The following FHOD3 variants were observed in gnomAD, a reference collection of about 807,000 sequenced individuals.
The protein encoded by FHOD3 is FH1/FH2 domain-containing protein 3.
Under a neutral mutation model 173.0 loss-of-function variants are expected in FHOD3, and 90 were observed. The observed-to-expected ratio is 0.52, with a 90% CI of 0.44 to 0.62. FHOD3 has a LOEUF of 0.62. Among genes scored for constraint, FHOD3 ranks in the 20% least tolerant of loss-of-function variants. The probability of loss-of-function intolerance (pLI) is 0.00; values close to 1 mark genes in which losing one functional copy is unlikely to be tolerated. For synonymous variants in FHOD3, 828 were observed against 823.0 expected, an observed-to-expected ratio of 1.01 and a Z score of -0.10; for missense variants, 1,945 against 2,034.7, an observed-to-expected ratio of 0.96 and a Z score of 0.85.
intron 20 of FHOD3, among the ~76,000 whole-genome samples, chr18:36,740,283 A>G (rs968584839): frequency 2.1e-4 from 32 of 152,228 alleles, no homozygotes; most frequent in African/African-American, 6.8e-4. Flanking sequence ...ACAAAAGTCA[A>G]TCTGAGTTCT....
intron 5 of FHOD3, among the ~76,000 whole-genome samples, chr18:36,558,041 G>A (rs1165869788): frequency 1.3e-5 from 2 of 152,150 alleles, no homozygotes; most frequent in African/African-American, 2.4e-5. Context: ...TATGAATGCT[G>A]GGTACTTTTC....
At chr18:36,465,711 T>C (rs1243739237) in intron 3 of FHOD3, among the ~76,000 whole-genome samples, 3 of 152,144 alleles carry the variant, frequency 2.0e-5, no homozygotes, top group African/African-American at 7.2e-5. Context: ...GGACCAAGCC[T>C]ATTGATTGAT....
At chr18:36,426,891 A>G (rs1443936880) in intron 3 of FHOD3, among the ~76,000 whole-genome samples, 5 of 152,068 alleles carry the variant, frequency 3.3e-5, no homozygotes, top group Non-Finnish European at 7.4e-5. Context: ...GTTTTGTTTA[A>G]TCATCACCAC....
At chr18:36,763,860 A>G (rs1327866740) in intron 27 of FHOD3, among the ~76,000 whole-genome samples, 1 of 152,148 alleles carries the variant, frequency 6.6e-6, no homozygotes, top group Non-Finnish European at 1.5e-5. Context: ...AAGTATTTGC[A>G]TATGTTATTA....
At chr18:36,607,204 G>T (rs1422851047) in intron 8 of FHOD3, among the ~76,000 whole-genome samples, 1 of 152,170 alleles carries the variant, frequency 6.6e-6, no homozygotes, top group Non-Finnish European at 1.5e-5. Flanking sequence ...CCTTCTTTTA[G>T]ATCTAGGTTG....
chr18:36,363,766 G>C (rs1215110530), intron 2 of FHOD3, among the ~76,000 whole-genome samples: 4 of 151,908 alleles, frequency 2.6e-5, no homozygotes, highest in Admixed American at 6.6e-5. Flanking sequence ...TCATAGAACT[G>C]TTCAACACAG....
At chr18:36,599,708 T>C (rs1291238863) in intron 7 of FHOD3, among the ~76,000 whole-genome samples, 1 of 152,164 alleles carries the variant, frequency 6.6e-6, no homozygotes, top group Non-Finnish European at 1.5e-5. Context: ...CTGTGTGTAT[T>C]TATTTATCTG....
intron 5 of FHOD3, among the ~76,000 whole-genome samples, chr18:36,521,534 A>G (rs924440369): frequency 6.6e-6 from 1 of 152,086 alleles, no homozygotes; most frequent in South Asian, 2.1e-4. Flanking sequence ...ATCACCCACC[A>G]AATTAGGGCT....
chr18:36,510,464 C>G (rs915766454), intron 4 of FHOD3, among the ~76,000 whole-genome samples: 3 of 152,156 alleles, frequency 2.0e-5, no homozygotes, highest in Non-Finnish European at 4.4e-5. Context: ...AACACTGTCT[C>G]GCCTGTCCAG....
At chr18:36,564,201 T>A (rs775853967) in intron 5 of FHOD3, among the ~76,000 whole-genome samples, 4 of 152,210 alleles carry the variant, frequency 2.6e-5, no homozygotes, top group Non-Finnish European at 5.9e-5. Flanking sequence ...GTGACCTGTT[T>A]TGGAGAGGCT....
intron 3 of FHOD3, among the ~76,000 whole-genome samples, chr18:36,457,059 G>GCA (rs1300938058): frequency 6.6e-6 from 1 of 152,050 alleles, no homozygotes; most frequent in African/African-American, 2.4e-5. Flanking sequence ...TCAGGTTCCA[G>GCA]CAGGTGGGAA....
intron 5 of FHOD3, among the ~76,000 whole-genome samples, chr18:36,526,210 C>G (rs530369749): frequency 6.6e-6 from 1 of 152,214 alleles, no homozygotes; most frequent in African/African-American, 2.4e-5. Context: ...TAGGAGCCAT[C>G]TAAGTAAAAG....
intron 3 of FHOD3, among the ~76,000 whole-genome samples, chr18:36,380,378 G>A (rs9958558): frequency 0.4 from 60,748 of 151,662 alleles, 12,722 homozygotes; most frequent in East Asian, 0.68. Context: ...GATGTAGAGA[G>A]ATCATTGGGG....
chr18:36,678,283 T>C (rs2037991627), intron 14 of FHOD3, among the ~76,000 whole-genome samples: 1 of 152,144 alleles, frequency 6.6e-6, no homozygotes, highest in African/African-American at 2.4e-5. Context: ...CTCATGCCTG[T>C]AATCCCAGCA....
chr18:36,388,522 T>A (rs879181970), intron 3 of FHOD3, among the ~76,000 whole-genome samples: 6 of 152,052 alleles, frequency 3.9e-5, no homozygotes, highest in Admixed American at 3.9e-4. Context: ...GCCCCAGGGG[T>A]CTTTTAGGAT....
chr18:36,727,961 C>A (rs2041162581), intron 19 of FHOD3, among the ~76,000 whole-genome samples: 5 of 152,142 alleles, frequency 3.3e-5, no homozygotes, highest in Admixed American at 3.3e-4. Context: ...CCCAGGGAAT[C>A]CCTGCTGCCA....
At chr18:36,617,434 A>T (rs1023237508) in intron 9 of FHOD3, among the ~76,000 whole-genome samples, 2 of 152,288 alleles carry the variant, frequency 1.3e-5, no homozygotes, top group East Asian at 3.9e-4. Flanking sequence ...GACCTGTTCC[A>T]TGTTGATATA....
chr18:36,485,523 C>G (rs2054150412), intron 3 of FHOD3, among the ~76,000 whole-genome samples: 1 of 152,162 alleles, frequency 6.6e-6, no homozygotes, highest in South Asian at 2.1e-4. Flanking sequence ...AGGGGCTGCC[C>G]CAGCAGTTTT....
intron 28 of FHOD3, 45 bp downstream of exon 28, chr18:36,769,471 C>A: frequency 1.3e-6 from 2 of 1,592,392 alleles, no homozygotes; most frequent in South Asian, 1.1e-5. Flanking sequence ...CTACAGGGAT[C>A]TGCCCTCCCA....
Sources: allele counts gnomAD v4.1 joint callset (sites outside exome capture counted in the v4.1 genomes callset), GRCh38; gene constraint gnomAD v4.1.1; transcripts MANE v1.5; gene names NCBI Gene and HGNC (gene_info 2026-07-23, HGNC 2026-07-21).